The following PLPPR3 variants were observed in gnomAD, a reference collection of about 807,000 sequenced individuals.
PLPPR3 encodes phospholipid phosphatase related 3.
In PLPPR3, 14 loss-of-function variants were observed where a neutral mutation model predicts 27.3. The observed-to-expected ratio is 0.51, with a 90% CI of 0.34 to 0.80. The LOEUF (loss-of-function observed/expected upper bound fraction) is 0.80, where lower values mean the gene tolerates loss of function less well. Among genes scored for constraint, PLPPR3 ranks in the 30% least tolerant of loss-of-function variants. The pLI, the probability that PLPPR3 is intolerant of heterozygous loss-of-function variation, is 0.01. For missense variants in PLPPR3, 1,287 were observed against 1,056.9 expected (o/e 1.22, Z -3.02); for synonymous variants, 671 against 508.0 (o/e 1.32, Z -4.32).
chr19:820,174 G>C (rs2035123936), intron 2 of PLPPR3, among the ~76,000 whole-genome samples: 1 of 150,774 alleles, frequency 6.6e-6, no homozygotes, highest in Non-Finnish European at 1.5e-5. Flanking sequence ...CCTGAGCCAG[G>C]TGTGTGCCAA....
At position 819,405 on chromosome 19, in the gene PLPPR3, C is replaced by T. The variant is rs915103428; in HGVS notation, c.75+2080G>A. ...AAGCGATTCTCCTGCCTCAGCCTCC[C>T]GAGTAGATGGGATTACAGGCGCCCA... On this transcript the variant is annotated intron_variant, in intron 2 of 7. Coordinates refer to ENST00000520876, the MANE Select transcript of PLPPR3 (RefSeq NM_001270366.2). Among the ~76,000 whole-genome samples the T allele has an allele frequency of 4.6e-5, 7 of 151,604 alleles. 1 individual carries two copies. Among genetic ancestry groups the T allele is most frequent in the South Asian group, 4.2e-4 (2 of 4,798 alleles).
Position 812,544 on chromosome 19 carries a change from C to G in PLPPR3, c.*26G>C. On this transcript the variant is annotated 3_prime_UTR_variant, in exon 8 of 8. Coordinates refer to ENST00000520876, the MANE Select transcript of PLPPR3 (RefSeq NM_001270366.2). ...CGGCCGCCCGCGCCCTCGGCCCGCC[C>G]CCCGCCCGCCCCCGGCCCCGCCGCG... 1.1e-6 allele frequency: 1 copy of G among 929,628 alleles called. No individual in the cohort carries two copies. The allele number at this position is 929,628 out of a possible 1,614,324, so 57.6% of individuals were successfully genotyped here.
chr19:821,493 A>T lies in PLPPR3; in HGVS notation c.67T>A (p.Phe23Ile). 1.3e-6 allele frequency: 2 copies of T among 1,513,452 alleles called. No individual in the cohort carries two copies. The highest frequency in any genetic ancestry group is 1.8e-6 in the Non-Finnish European group (2 of 1,130,054). The allele number at this position is 1,513,452 out of a possible 1,614,324, so 93.8% of individuals were successfully genotyped here. The change falls in exon 2 of 8, where the codon TTC becomes ATC. Residue 23 changes from phenylalanine (F) to isoleucine (I), a missense_variant. By Grantham distance (21) the Phe-to-Ile change is conservative. Coordinates refer to ENST00000520876, the MANE Select transcript of PLPPR3 (RefSeq NM_001270366.2). The part of the protein sequence containing the change: ...DSMTLLPCFY[F>I]VELPIVASSI... ...GCGCGACCCCCACCCACCTCCACGA[A>T]GTAGAAGCAGGGCAGAAGCGTCATG... is the stretch of plus-strand genomic sequence containing the variant.
chr19:821,550 TGGA>T lies in PLPPR3; in HGVS notation c.7_9del (p.Ser3del). ...TTCGGGATCTTGTTCTTCTCCTTGG[TGGA>T]GATCATGGTGCCGCGGGCGCCGCAG... On this transcript the variant is annotated inframe_deletion, in exon 2 of 8. Transcript: ENST00000520876. The T allele has an allele frequency of 6.8e-7, 1 of 1,475,328 alleles. No homozygotes were observed. Among genetic ancestry groups the T allele is most frequent in the Non-Finnish European group, 9.0e-7 (1 of 1,105,840 alleles). 91.4% of individuals were successfully genotyped at this position (1,475,328 alleles called of 1,614,324 possible). A position where few individuals can be genotyped will look rare whatever the true frequency, so the allele number is the denominator to read the frequency against.
intron 2 of PLPPR3, among the ~76,000 whole-genome samples, chr19:820,605 C>T (rs1308230391): frequency 6.6e-6 from 1 of 152,060 alleles, no homozygotes; most frequent in East Asian, 1.9e-4. Context: ...CTGCAACCTC[C>T]ACCTCCTGGG....
At position 813,154 on chromosome 19, in the gene PLPPR3, T is replaced by C; in HGVS notation, c.1573A>G (p.Lys525Glu). The change falls in exon 8 of 8, where the codon AAG (lysine) becomes GAG (glutamate). Residue 525 changes from lysine (K) to glutamate (E), a missense_variant. Lys to Glu is a moderately conservative substitution (Grantham distance 56). Transcript: ENST00000520876. This position sits in a 1 kb window ranked among gnomAD's most constrained non-coding sequence, Gnocchi z 4.1. ...VRAKWLMMAE[K>E]SGAAVANPPR... ...GGGTTGGCCACTGCCGCCCCGCTCT[T>C]CTCGGCCATCATGAGCCACTTGGCG... 6.6e-7 allele frequency: 1 copy of C among 1,523,842 alleles called. No homozygotes were observed. The allele number at this position is 1,523,842 out of a possible 1,614,324, so 94.4% of individuals were successfully genotyped here.
chr19:819,017 C>T lies in PLPPR3; in HGVS notation c.75+2468G>A. On this transcript the variant is annotated intron_variant, in intron 2 of 7. Coordinates refer to ENST00000520876, the MANE Select transcript of PLPPR3 (RefSeq NM_001270366.2). The stretch of plus-strand genomic sequence containing the variant: ...TTTGAGATGGAGTCTTGCTCTCTTG[C>T]CCAAGCTGGCGTGCAGTGGAACAGT... Among the ~76,000 whole-genome samples the T allele has an allele frequency of 1.9e-5, 2 of 107,140 alleles. 1 individual carries two copies. Among genetic ancestry groups the T allele is most frequent in the Non-Finnish European group, 3.6e-5 (2 of 55,000 alleles). 70.3% of individuals were successfully genotyped at this position (107,140 alleles called of 152,430 possible). A position where few individuals can be genotyped will look rare whatever the true frequency, so the allele number is the denominator to read the frequency against.
intron 7 of PLPPR3, 54 bp downstream of exon 7, chr19:814,380 C>T (rs2035013139): frequency 2.0e-6 from 3 of 1,512,220 alleles, no homozygotes; most frequent in East Asian, 2.4e-5. Flanking sequence ...TCATGCCTCC[C>T]CCCTCAGATC....
At chr19:816,511 A>G (rs2035059848) in intron 2 of PLPPR3, among the ~76,000 whole-genome samples, 1 of 144,228 alleles carries the variant, frequency 6.9e-6, no homozygotes, top group Non-Finnish European at 1.5e-5. Context: ...CCATCCATCC[A>G]TCCACCCATC....
At position 821,528 on chromosome 19, in the gene PLPPR3, G is replaced by C. The variant is rs910087103; in HGVS notation, c.32C>G (p.Pro11Arg). The change falls in exon 2 of 8, where the codon CCG becomes CGG. Residue 11 changes from proline to arginine, a missense_variant. Coordinates refer to ENST00000520876, the MANE Select transcript of PLPPR3 (RefSeq NM_001270366.2). ...GGGCAGAAGCGTCATGCTGTCCTTC[G>C]GGATCTTGTTCTTCTCCTTGGTGGA... The part of the protein sequence containing the change: MISTKEKNKI[P>R]KDSMTLLPCF... 2.5e-5 allele frequency: 38 copies of C among 1,509,760 alleles called. No individual in the cohort carries two copies. Among genetic ancestry groups the C allele is most frequent in the African/African-American group, 2.5e-4 (17 of 68,810 alleles). The allele number at this position is 1,509,760 out of a possible 1,614,324, so 93.5% of individuals were successfully genotyped here. A position where few individuals can be genotyped will look rare whatever the true frequency, so the allele number is the denominator to read the frequency against.
chr19:815,750 G>GA lies in PLPPR3; in HGVS notation c.176dup (p.Ser60LeufsTer260). 1.2e-6 allele frequency: 2 copies of GA among 1,612,680 alleles called. No homozygotes were observed. The highest frequency in any genetic ancestry group is 1.7e-6 in the Non-Finnish European group (2 of 1,179,818). Reference sequence around the variant, plus strand: ...CGTTGGTCTCCACGTAGGGCATGGAGAGAGTGCGGTCATAGCACTGGAAGC... The same window carrying GA: ...CGTTGGTCTCCACGTAGGGCATGGAGAAGAGTGCGGTCATAGCACTGGAAGC... On this transcript the variant is annotated frameshift_variant, in exon 3 of 8. Transcript: ENST00000520876. LOFTEE classifies it high-confidence loss of function.
At chr19:822,635 C>G (rs1028574979), upstream of PLPPR3, among the ~76,000 whole-genome samples, 1 of 152,058 alleles carries the variant, frequency 6.6e-6, no homozygotes, top group African/African-American at 2.4e-5. Context: ...CTGGGGGCTG[C>G]GGGATGCGGG....
intron 1 of PLPPR3, 52 bp downstream of exon 1, chr19:821,863 T>G: frequency 1.7e-5 from 4 of 242,112 alleles, no homozygotes; most frequent in East Asian, 7.9e-5. Flanking sequence ...GAACTGGGGT[T>G]CCGGGCGGCG....
In PLPPR3 at chr19:815,089, G is replaced by A. The variant is rs762957653; in HGVS notation, c.404-8C>T. The A allele has an allele frequency of 3.5e-5, 56 of 1,602,948 alleles. No individual in the cohort carries two copies. The highest frequency in any genetic ancestry group is 4.7e-5 in the Non-Finnish European group (55 of 1,179,698). On this transcript the variant is annotated splice_polypyrimidine_tract_variant and splice_region_variant and intron_variant, in intron 4 of 7. Transcript: ENST00000520876. ...GGCCGAACACGTGGACACCTGCAGG[G>A]CGGAAGGCTCGGCCAGGCGGGGAGC...
chr19:816,160 C>T (rs1374040481), intron 2 of PLPPR3, among the ~76,000 whole-genome samples: 2 of 151,848 alleles, frequency 1.3e-5, no homozygotes, highest in Non-Finnish European at 2.9e-5. Flanking sequence ...TCCATTCATC[C>T]ATCCACCCAC....
rs1258888065 is a variant in PLPPR3, at chr19:813,415, G to C, written c.1312C>G (p.Pro438Ala). 4 of 1,500,652 alleles carry C rather than the reference G, an allele frequency of 2.7e-6. No homozygotes were observed. In the African/African-American group the frequency reaches 5.7e-5, roughly 21 times the overall value. 93.0% of individuals were successfully genotyped at this position (1,500,652 alleles called of 1,614,324 possible). The change falls in exon 8 of 8, where the codon CCC (proline) becomes GCC (alanine). Residue 438 changes from proline (P) to alanine (A), a missense_variant. Coordinates refer to ENST00000520876, the MANE Select transcript of PLPPR3 (RefSeq NM_001270366.2). This position sits in a 1 kb window ranked among gnomAD's most constrained non-coding sequence, Gnocchi z 4.1. Reference sequence around the variant, plus strand: ...TCCTCTTCCTCCTCCTCCGCCATGGGTTCGGCGGGCGCGCGCAGGTGCCCG... The same window carrying C: ...TCCTCTTCCTCCTCCTCCGCCATGGCTTCGGCGGGCGCGCGCAGGTGCCCG... The part of the protein sequence containing the change: ...SPGHLRAPAE[P>A]MAEEEEEEED...
rs1189007667 is a variant in PLPPR3, at chr19:813,564, G to A, written c.1163C>T (p.Pro388Leu). 1.3e-6 allele frequency: 2 copies of A among 1,558,970 alleles called. No homozygotes were observed. Among genetic ancestry groups the A allele is most frequent in the Admixed American group, 1.9e-5 (1 of 52,908 alleles). Residue 388 changes from proline (P) to leucine (L), a missense_variant, in exon 8 of 8, where the codon CCC (proline) becomes CTC (leucine). Coordinates refer to ENST00000520876, the MANE Select transcript of PLPPR3 (RefSeq NM_001270366.2). This position sits in a 1 kb window ranked among gnomAD's most constrained non-coding sequence, Gnocchi z 4.1. Reference sequence around the variant, plus strand: ...GTGGATGGTCATGTGGCGGCGCGCGGGGTCGTCCAGCGAGGGCGCGCTGGC... The same window carrying A: ...GTGGATGGTCATGTGGCGGCGCGCGAGGTCGTCCAGCGAGGGCGCGCTGGC... ...PRASAPSLDDPARRHMTIHVP... is the reference protein window; with the variant it reads ...PRASAPSLDDLARRHMTIHVP...
upstream of PLPPR3, among the ~76,000 whole-genome samples, chr19:822,947 C>T (rs1371468955): frequency 6.6e-6 from 1 of 151,656 alleles, no homozygotes; most frequent in Non-Finnish European, 1.5e-5. Context: ...GGTGAAACCC[C>T]GTCTCTACTA....
intron 3 of PLPPR3, 78 bp downstream of exon 3, chr19:815,588 A>ATG: frequency 2.1e-6 from 3 of 1,395,612 alleles, no homozygotes; most frequent in Non-Finnish European, 2.9e-6. Flanking sequence ...CCCAGTGTGG[A>ATG]TGTTCACCGA....
Sources: allele counts gnomAD v4.1 joint callset (sites outside exome capture counted in the v4.1 genomes callset), GRCh38; gene constraint gnomAD v4.1.1; non-coding constraint Gnocchi (gnomAD v3.1); transcripts MANE v1.5; gene names NCBI Gene and HGNC (gene_info 2026-07-23, HGNC 2026-07-21).